PDE4D: variants seen among roughly 807,000 people sequenced by gnomAD.
The protein encoded by PDE4D is 3',5'-cyclic-AMP phosphodiesterase 4D.
PDE4D carries 24 observed loss-of-function variants against 87.4 expected under a neutral mutation model. The observed-to-expected ratio is 0.27, with a 90% CI of 0.20 to 0.39. The LOEUF (loss-of-function observed/expected upper bound fraction) is 0.39. Among genes scored for constraint, PDE4D ranks in the 10% least tolerant of loss-of-function variants. The pLI is 1.00. For missense variants in PDE4D, 714 were observed against 1,041.0 expected (o/e 0.69, Z 4.32); for synonymous variants, 384 against 383.2 (o/e 1.00, Z -0.02).
chr5:59,981,927 C>T (rs777460079), intron 3 of PDE4D, among the ~76,000 whole-genome samples: 1 of 152,144 alleles, frequency 6.6e-6, no homozygotes, highest in East Asian at 1.9e-4. Context: ...TTCTCTCTAA[C>T]GTACTGTTTG....
chr5:59,210,721 G>A (rs1472681053), intron 2 of PDE4D, among the ~76,000 whole-genome samples: 1 of 152,190 alleles, frequency 6.6e-6, no homozygotes, highest in Non-Finnish European at 1.5e-5. Context: ...CAATGTATAT[G>A]AATGTGAGTG....
intron 1 of PDE4D, among the ~76,000 whole-genome samples, chr5:59,784,253 A>T (rs116715956): frequency 0.084 from 9,812 of 117,318 alleles, 363 homozygotes; most frequent in African/African-American, 0.11. Context: ...TTTTTTTTTT[A>T]AAAAAAAAAA....
At chr5:60,136,534 C>T (rs936042512) in intron 2 of PDE4D, among the ~76,000 whole-genome samples, 2 of 152,064 alleles carry the variant, frequency 1.3e-5, no homozygotes, top group African/African-American at 4.8e-5. Flanking sequence ...AGGCTAGTCT[C>T]GAACTCCTGA....
chr5:59,470,042 A>G (rs1345700907), intron 1 of PDE4D, among the ~76,000 whole-genome samples: 1 of 151,934 alleles, frequency 6.6e-6, no homozygotes, highest in Non-Finnish European at 1.5e-5. Context: ...AGATTTTGGA[A>G]TTTCCATTTT....
rs202018867 is a variant in PDE4D at position 59,396,935 on chromosome 5, G to T, written c.456-180967C>A. On this transcript the variant is annotated intron_variant, in intron 1 of 14. Transcript: ENST00000340635. ...AAAAAAAGGCAGGGGTTGCAATCCT[G>T]GTCTCTGATAAAACAGACTTTAAAC... Among the ~76,000 whole-genome samples the T allele has an allele frequency of 6.6e-5, 7 of 106,692 alleles. 3 individuals carry two copies. Among genetic ancestry groups the T allele is most frequent in the Non-Finnish European group, 1.4e-4 (7 of 51,352 alleles). 70.0% of individuals were successfully genotyped at this position (106,692 alleles called of 152,430 possible).
intron 3 of PDE4D, among the ~76,000 whole-genome samples, chr5:59,189,995 T>G (rs1743946607): frequency 6.6e-6 from 1 of 152,204 alleles, no homozygotes; most frequent in African/African-American, 2.4e-5. Context: ...GTTTCAGGCT[T>G]TAGCCTGGCC....
At chr5:59,752,620 A>T (rs547731536) in intron 1 of PDE4D, among the ~76,000 whole-genome samples, 1 of 152,252 alleles carries the variant, frequency 6.6e-6, no homozygotes, top group South Asian at 2.1e-4. Flanking sequence ...GAAAACTGGC[A>T]GTGCTTGGAG....
intron 1 of PDE4D, among the ~76,000 whole-genome samples, chr5:59,807,761 G>A (rs991960966): frequency 6.6e-6 from 1 of 152,186 alleles, no homozygotes; most frequent in African/African-American, 2.4e-5. Flanking sequence ...AGTTGTCAAG[G>A]AAGTAGGCCA....
intron 1 of PDE4D, among the ~76,000 whole-genome samples, chr5:59,496,127 C>T (rs964273553): frequency 2.6e-5 from 4 of 152,050 alleles, no homozygotes; most frequent in African/African-American, 9.7e-5. Flanking sequence ...GATGGTTTCC[C>T]CCTGGAGTCC....
chr5:59,569,952 G>A (rs1821550328), intron 1 of PDE4D, among the ~76,000 whole-genome samples: 1 of 152,174 alleles, frequency 6.6e-6, no homozygotes. Context: ...AAGATGTTAT[G>A]TGAAATTTCC....
intron 1 of PDE4D, among the ~76,000 whole-genome samples, chr5:59,579,705 T>TCC (rs1823761412): frequency 6.6e-6 from 1 of 152,312 alleles, no homozygotes; most frequent in African/African-American, 2.4e-5. Flanking sequence ...TCATCTATGC[T>TCC]CCACACACCA....
At chr5:60,014,090 T>TCAA (rs1561980234) in intron 2 of PDE4D, among the ~76,000 whole-genome samples, 15 of 120,808 alleles carry the variant, frequency 1.2e-4, no homozygotes, top group African/African-American at 5.2e-4. Context: ...AGACTCCACC[T>TCAA]TAAAAAAAAA....
At position 59,671,236 on chromosome 5, in the gene PDE4D, G is replaced by A. The variant is rs145103392; in HGVS notation, c.455+221932C>T. On this transcript the variant is annotated intron_variant, in intron 1 of 14. Coordinates refer to ENST00000340635, the MANE Select transcript of PDE4D (RefSeq NM_001104631.2). ...CAGCATAGCCTTGATTGCCTGCTTTGAGTTAGGGGATCAAAGGAAGAAATC... is the reference window on the plus strand; with the variant it reads ...CAGCATAGCCTTGATTGCCTGCTTTAAGTTAGGGGATCAAAGGAAGAAATC... Among the ~76,000 whole-genome samples, 689 of 152,232 alleles carry A rather than the reference G, an allele frequency of 4.5e-3. 6 individuals carry two copies. Among genetic ancestry groups the A allele is most frequent in the Non-Finnish European group, 7.1e-3 (484 of 68,024 alleles).
chr5:60,224,807 T>C (rs1263343599), intron 1 of PDE4D, among the ~76,000 whole-genome samples: 1 of 152,054 alleles, frequency 6.6e-6, no homozygotes, highest in African/African-American at 2.4e-5. Context: ...TTAGACTCTG[T>C]CCCTTCATGG....
At chr5:59,456,791 T>C (rs1330271448) in intron 1 of PDE4D, among the ~76,000 whole-genome samples, 1 of 152,106 alleles carries the variant, frequency 6.6e-6, no homozygotes, top group Non-Finnish European at 1.5e-5. Flanking sequence ...ATTCCAACCC[T>C]CATGGATAAC....
chr5:60,303,160 G>A (rs1009378633), intron 1 of PDE4D, among the ~76,000 whole-genome samples: 2 of 151,790 alleles, frequency 1.3e-5, no homozygotes, highest in Admixed American at 6.6e-5. Context: ...CTTTAGCTAC[G>A]GCCCAGAGAT....
intron 1 of PDE4D, among the ~76,000 whole-genome samples, chr5:59,439,571 G>A (rs1454745884): frequency 6.6e-6 from 1 of 152,156 alleles, no homozygotes; most frequent in African/African-American, 2.4e-5. Context: ...GTAGCAAATA[G>A]AACACATGCA....
At chr5:60,320,936 T>A (rs559258227) in intron 1 of PDE4D, among the ~76,000 whole-genome samples, 1 of 152,236 alleles carries the variant, frequency 6.6e-6, no homozygotes, top group East Asian at 1.9e-4. Context: ...TCAACCATCA[T>A]GTGTAGGAAG....
intron 6 of PDE4D, among the ~76,000 whole-genome samples, chr5:59,031,379 ATATATATATATAT>A (rs1482396649): frequency 1.7e-4 from 15 of 89,988 alleles, no homozygotes; most frequent in African/African-American, 6.5e-4. Context: ...ATATATATAT[ATATATATATATAT>A]TATATATATA....
Sources: allele counts gnomAD v4.1 joint callset (sites outside exome capture counted in the v4.1 genomes callset), GRCh38; gene constraint gnomAD v4.1.1; transcripts MANE v1.5; gene names NCBI Gene and HGNC (gene_info 2026-07-23, HGNC 2026-07-21).